The following FERMT2 variants were observed in gnomAD, a reference collection of about 807,000 sequenced individuals.
The protein encoded by FERMT2 is fermitin family homolog 2.
In FERMT2, 15 loss-of-function variants were observed where a neutral mutation model predicts 82.7. The observed-to-expected ratio is 0.18, with a 90% CI of 0.12 to 0.28. The LOEUF is 0.28. Among genes scored for constraint, FERMT2 ranks in the 10% least tolerant of loss-of-function variants. The pLI, the probability that FERMT2 is intolerant of heterozygous loss-of-function variation, is 1.00. For missense variants in FERMT2, 645 were observed against 809.4 expected, an observed-to-expected ratio of 0.80 and a Z score of 2.46; for synonymous variants, 274 against 271.5, an observed-to-expected ratio of 1.01 and a Z score of -0.09.
chr14:52,881,270 A>G lies in FERMT2; in HGVS notation c.726T>C (p.Leu242=). Residue 242 remains leucine, a synonymous_variant, in exon 5 of 15, where the codon CTT becomes CTC. Transcript: ENST00000341590. The part of the protein sequence containing the change: ...ILAKMFKPQA[L]LDKAKINQGW... ...CTTGGTTGATTTTTGCTTTATCAAG[A>G]AGAGCTTGAGGCTTGAACATTTTTG... 1 of 1,614,072 alleles carries G rather than the reference A, an allele frequency of 6.2e-7. No homozygotes were observed. Among genetic ancestry groups the G allele is most frequent in the Non-Finnish European group, 8.5e-7 (1 of 1,179,966 alleles).
chr14:52,880,976 T>C, intron 6 of FERMT2, 60 bp downstream of exon 6: 1 of 1,044,408 alleles, frequency 9.6e-7, no homozygotes, highest in South Asian at 1.5e-5. Flanking sequence ...AAAACAAACA[T>C]CCATGTGAAC....
At chr14:52,875,046 C>A (rs1472995449) in intron 8 of FERMT2, among the ~76,000 whole-genome samples, 177 bp downstream of exon 8, 1 of 152,154 alleles carries the variant, frequency 6.6e-6, no homozygotes, top group Admixed American at 6.5e-5. Context: ...CAGAACGAGA[C>A]CCTGTCTCAA....
intron 3 of FERMT2, among the ~76,000 whole-genome samples, chr14:52,902,511 A>G (rs571251622): frequency 6.6e-6 from 1 of 152,090 alleles, no homozygotes; most frequent in Non-Finnish European, 1.5e-5. Context: ...ACTTATATAA[A>G]GTCCACAAAT....
At chr14:52,878,721 T>C (rs1886116876) in intron 6 of FERMT2, 32 bp from the exon 7 acceptor site, 5 of 1,165,558 alleles carry the variant, frequency 4.3e-6, no homozygotes, top group South Asian at 3.1e-5. Flanking sequence ...TTTTGTAATA[T>C]ATAACCTTTA....
intron 3 of FERMT2, among the ~76,000 whole-genome samples, chr14:52,909,974 A>C (rs1888222867): frequency 6.6e-6 from 1 of 152,146 alleles, no homozygotes; most frequent in African/African-American, 2.4e-5. Flanking sequence ...AATCGCTTGA[A>C]GCCAGGAGGT....
Position 52,910,324 on chromosome 14 carries a change from C to T in FERMT2, c.391+8799G>A, listed in dbSNP as rs538070122. ...GAATGAATTAGCATGTATCTAAAGC[C>T]GAAAGACCCAAATGACATGTCCTAT... On this transcript the variant is annotated intron_variant, in intron 3 of 14. Coordinates refer to ENST00000341590, the MANE Select transcript of FERMT2 (RefSeq NM_006832.3). 6.6e-5 allele frequency among the ~76,000 whole-genome samples: 10 copies of T among 152,104 alleles called. No homozygotes were observed. In the South Asian group the frequency reaches 1.9e-3, roughly 28 times the overall value.
rs115610195 is a variant in FERMT2 at position 52,929,703 on chromosome 14, G to A, written c.158-10347C>T. Among the ~76,000 whole-genome samples the A allele has an allele frequency of 9.3e-3, 1,409 of 152,206 alleles. 21 individuals are homozygous for A. The highest frequency in any genetic ancestry group is 0.032 in the African/African-American group (1,325 of 41,530). ...TTTTAGCATTAATTCCATATTCTCA[G>A]AGAAGCCTTTTTTAGCTACCCTAGC... On this transcript the variant is annotated intron_variant, in intron 2 of 14. Coordinates refer to ENST00000341590, the MANE Select transcript of FERMT2 (RefSeq NM_006832.3).
chr14:52,904,146 C>G (rs1024197859), intron 3 of FERMT2, among the ~76,000 whole-genome samples: 1 of 151,924 alleles, frequency 6.6e-6, no homozygotes, highest in Non-Finnish European at 1.5e-5. Context: ...TTTGGGAGGC[C>G]GAGGTGGGTG....
chr14:52,874,776 C>A (rs1247476289), intron 8 of FERMT2, among the ~76,000 whole-genome samples: 11 of 152,178 alleles, frequency 7.2e-5, no homozygotes, highest in African/African-American at 2.2e-4. Flanking sequence ...GTATTGAATG[C>A]ACTAGAGACT....
intron 10 of FERMT2, among the ~76,000 whole-genome samples, chr14:52,869,899 C>A (rs571337956): frequency 1.3e-5 from 2 of 151,888 alleles, no homozygotes; most frequent in Non-Finnish European, 2.9e-5. Flanking sequence ...ATCCCAATCT[C>A]GTGGAGGCCT....
intron 2 of FERMT2, among the ~76,000 whole-genome samples, chr14:52,937,464 C>T (rs909118254): frequency 6.6e-6 from 1 of 152,144 alleles, no homozygotes; most frequent in African/African-American, 2.4e-5. Flanking sequence ...CCTAACTTTC[C>T]ACCCTGTCTC....
intron 2 of FERMT2, among the ~76,000 whole-genome samples, chr14:52,933,591 TC>T (rs1292089700): frequency 6.6e-6 from 1 of 151,120 alleles, no homozygotes; most frequent in Non-Finnish European, 1.5e-5. Context: ...ATGCCTGTAA[TC>T]CCAGCTACTT....
intron 3 of FERMT2, among the ~76,000 whole-genome samples, chr14:52,916,822 C>G (rs887082228): frequency 6.6e-6 from 1 of 152,182 alleles, no homozygotes; most frequent in Non-Finnish European, 1.5e-5. Context: ...TTTTGCTCAA[C>G]TTTGCTGTGA....
At position 52,864,821 on chromosome 14, in the gene FERMT2, C is replaced by T; in HGVS notation, c.1306G>A (p.Gly436Ser). 6.2e-7 allele frequency: 1 copy of T among 1,611,680 alleles called. No homozygotes were observed. The highest frequency in any genetic ancestry group is 8.5e-7 in the Non-Finnish European group (1 of 1,178,036). Residue 436 changes from glycine (G) to serine (S), a missense_variant, in exon 11 of 15, where the codon GGC (glycine) becomes AGC (serine). Physicochemically the swap from Gly to Ser is moderately conservative, Grantham distance 56 (BLOSUM62 0). Transcript: ENST00000341590. ...AGGAGTTTAATGTTAAATTTTTGGCCTGAAATGTTTACATCTGGGGTAACT... is the reference window on the plus strand; with the variant it reads ...AGGAGTTTAATGTTAAATTTTTGGCTTGAAATGTTTACATCTGGGGTAACT... ...CEVTPDVNIS[G>S]QKFNIKLLIP...
At chr14:52,892,620 A>C (rs1013790347) in intron 4 of FERMT2, among the ~76,000 whole-genome samples, 24 of 151,154 alleles carry the variant, frequency 1.6e-4, no homozygotes, top group African/African-American at 5.8e-4. Flanking sequence ...ACGTCCAGCT[A>C]ATTTTTTTTG....
intron 10 of FERMT2, among the ~76,000 whole-genome samples, chr14:52,867,932 T>C (rs569482023): frequency 3.3e-5 from 5 of 152,346 alleles, no homozygotes; most frequent in African/African-American, 1.2e-4. Context: ...TCATCCCATG[T>C]TGATTACCTT....
At chr14:52,895,175 C>T (rs1331005218) in intron 3 of FERMT2, among the ~76,000 whole-genome samples, 2 of 152,174 alleles carry the variant, frequency 1.3e-5, no homozygotes, top group South Asian at 2.1e-4. Flanking sequence ...AGTACCCATA[C>T]ATCAAAGAGG....
At chr14:52,946,066 G>A (rs1048080458) in intron 2 of FERMT2, among the ~76,000 whole-genome samples, 2 of 151,972 alleles carry the variant, frequency 1.3e-5, no homozygotes, top group Non-Finnish European at 2.9e-5. Flanking sequence ...TAGTAGAGGC[G>A]GGGTTTCACC....
intron 3 of FERMT2, among the ~76,000 whole-genome samples, chr14:52,895,816 A>C (rs1007144401): frequency 7.2e-5 from 11 of 152,222 alleles, no homozygotes; most frequent in African/African-American, 2.4e-4. Context: ...AAAAACTGTG[A>C]AACGATGAAG....
Sources: allele counts gnomAD v4.1 joint callset (sites outside exome capture counted in the v4.1 genomes callset), GRCh38; gene constraint gnomAD v4.1.1; transcripts MANE v1.5; gene names NCBI Gene and HGNC (gene_info 2026-07-23, HGNC 2026-07-21).